The following SGCD variants were observed in gnomAD, a reference collection of about 807,000 sequenced individuals.
SGCD encodes the protein delta-sarcoglycan.
A neutral mutation model predicts 36.6 loss-of-function variants in SGCD; 18 were observed. The ratio of observed to expected loss-of-function variants is 0.49; its 90% CI spans 0.34 to 0.73. The LOEUF is 0.73. Among genes scored for constraint, SGCD ranks in the 30% least tolerant of loss-of-function variants. SGCD has a pLI of 0.01. For synonymous variants in SGCD, 133 were observed against 130.6 expected (o/e 1.02, Z -0.12); for missense variants, 387 against 346.7 (o/e 1.12, Z -0.92).
At chr5:156,443,427 T>C (rs1006091823) in intron 3 of SGCD, among the ~76,000 whole-genome samples, 2 of 152,192 alleles carry the variant, frequency 1.3e-5, no homozygotes, top group Non-Finnish European at 2.9e-5. Context: ...CATCATGTGA[T>C]TCTGCAGCGT....
At chr5:155,882,544 G>A in intron 1 of SGCD, among the ~76,000 whole-genome samples, 1 of 152,222 alleles carries the variant, frequency 6.6e-6, no homozygotes, top group South Asian at 2.1e-4. Context: ...TCCATGGGCT[G>A]CTGAATGGTG....
chr5:156,308,145 A>G (rs536734126), intron 3 of SGCD, among the ~76,000 whole-genome samples: 32 of 152,290 alleles, frequency 2.1e-4, no homozygotes, highest in African/African-American at 5.8e-4. Context: ...CTTGAGACTG[A>G]GTAATTCAAA....
chr5:156,218,541 A>G (rs1442245623), intron 3 of SGCD, among the ~76,000 whole-genome samples: 1 of 152,182 alleles, frequency 6.6e-6, no homozygotes, highest in African/African-American at 2.4e-5. Context: ...ACCTTCAGTT[A>G]CCTAACCTGG....
At chr5:155,990,818 G>C (rs562834811) in intron 1 of SGCD, among the ~76,000 whole-genome samples, 14 of 152,282 alleles carry the variant, frequency 9.2e-5, no homozygotes, top group Non-Finnish European at 1.0e-4. Context: ...TTGAGATAAT[G>C]TTGGTGAATA....
chr5:156,278,175 T>C (rs1231782982), intron 3 of SGCD, among the ~76,000 whole-genome samples: 2 of 152,108 alleles, frequency 1.3e-5, no homozygotes, highest in Non-Finnish European at 2.9e-5. Flanking sequence ...AACTGAAAGG[T>C]CAGTGGGACT....
In SGCD at chr5:156,242,997, A is replaced by G. The variant is rs577328402; in HGVS notation, c.-43-86537A>G. Among the ~76,000 whole-genome samples, 16 of 152,242 alleles carry G rather than the reference A, an allele frequency of 1.1e-4. No individual in the cohort carries two copies. In the South Asian group the frequency reaches 2.3e-3, roughly 22 times the overall value. On this transcript the variant is annotated intron_variant, in intron 3 of 9. Transcript: ENST00000517913. Reference sequence around the variant, plus strand: ...GTGGTCATGCAGGTTGCCTTTGATGATGGGAGGTTGAAGGGGTGACTGGCC... The same window carrying G: ...GTGGTCATGCAGGTTGCCTTTGATGGTGGGAGGTTGAAGGGGTGACTGGCC...
Position 156,644,260 on chromosome 5 carries a change from C to T in SGCD, c.503-3204C>T, listed in dbSNP as rs537677700. 2.0e-5 allele frequency among the ~76,000 whole-genome samples: 3 copies of T among 152,210 alleles called. No individual in the cohort carries two copies. The South Asian group carries it at 6.2e-4, about 32-fold the overall frequency. On this transcript the variant is annotated intron_variant, in intron 6 of 8. Transcript: ENST00000337851. ...TTTGTGTCTAGTGTTTCTCCCAAAT[C>T]CAATTTTTGTGTGTCACATTTTGCA...
intron 1 of SGCD, among the ~76,000 whole-genome samples, chr5:156,038,435 T>C (rs1371622972): frequency 2.6e-5 from 4 of 152,140 alleles, no homozygotes; most frequent in Non-Finnish European, 5.9e-5. Flanking sequence ...TAGTGAATAG[T>C]ATTATGCCAA....
chr5:156,079,806 C>A (rs1001236398), intron 1 of SGCD, among the ~76,000 whole-genome samples: 1 of 152,206 alleles, frequency 6.6e-6, no homozygotes, highest in African/African-American at 2.4e-5. Flanking sequence ...TTGTTGAGTA[C>A]CTGCAGCTTT....
In SGCD at chr5:156,101,545, G is replaced by A. The variant is rs550234244; in HGVS notation, c.-281-16333G>A. The stretch of plus-strand genomic sequence containing the variant: ...AGTTCTCCCCTAATGAATCGTTATT[G>A]CCCCTTTGATTTACTCATAGATGTC... On this transcript the variant is annotated intron_variant, in intron 1 of 9. Transcript: ENST00000517913. Among the ~76,000 whole-genome samples, 3 of 152,208 alleles carry A rather than the reference G, an allele frequency of 2.0e-5. No homozygotes were observed. The South Asian group carries it at 6.2e-4, about 32-fold the overall frequency.
chr5:156,492,820 T>C (rs549140069), intron 3 of SGCD, among the ~76,000 whole-genome samples: 273 of 152,256 alleles, frequency 1.8e-3, no homozygotes, highest in African/African-American at 6.0e-3. Flanking sequence ...GGTGTTTAGT[T>C]TTCTGTTCTT....
intron 7 of SGCD, among the ~76,000 whole-genome samples, chr5:156,722,165 T>C (rs1755541912): frequency 6.6e-6 from 1 of 152,226 alleles, no homozygotes; most frequent in Admixed American, 6.5e-5. Context: ...GCCCACAGTG[T>C]AGTCGATTCT....
At chr5:156,565,595 G>T (rs917947762) in intron 4 of SGCD, among the ~76,000 whole-genome samples, 2 of 151,968 alleles carry the variant, frequency 1.3e-5, no homozygotes, top group Non-Finnish European at 2.9e-5. Context: ...TGTACAGAAC[G>T]TGCAGGTTTG....
intron 3 of SGCD, among the ~76,000 whole-genome samples, chr5:156,436,574 T>C (rs575716733): frequency 3.9e-4 from 59 of 152,316 alleles, no homozygotes; most frequent in Non-Finnish European, 6.2e-4. Context: ...GTGATGGAGA[T>C]GACCAGATGT....
chr5:156,755,451 C>CA (rs999076822), intron 7 of SGCD, among the ~76,000 whole-genome samples: 18 of 151,666 alleles, frequency 1.2e-4, no homozygotes, highest in East Asian at 1.9e-4. Flanking sequence ...CAGAGAATGG[C>CA]AAAAAAAACC....
chr5:155,813,035 G>C, the SGCD span, among the ~76,000 whole-genome samples: 1 of 151,690 alleles, frequency 6.6e-6, no homozygotes, highest in Non-Finnish European at 1.5e-5. Flanking sequence ...CTGATGATAG[G>C]ATTTTTTTAA....
At chr5:156,588,921 G>A (rs1760603057) in intron 4 of SGCD, among the ~76,000 whole-genome samples, 2 of 151,650 alleles carry the variant, frequency 1.3e-5, no homozygotes, top group Admixed American at 6.6e-5. Context: ...AAGATCTAAT[G>A]GGCTTTGTGT....
intron 4 of SGCD, among the ~76,000 whole-genome samples, chr5:156,539,773 C>G (rs2113142847): frequency 6.6e-6 from 1 of 152,134 alleles, no homozygotes; most frequent in Middle Eastern, 3.4e-3. Flanking sequence ...TGAGAGGATA[C>G]CCAGTAGTGG....
At chr5:156,122,709 G>A (rs761575535) in intron 2 of SGCD, among the ~76,000 whole-genome samples, 5 of 151,798 alleles carry the variant, frequency 3.3e-5, no homozygotes, top group Non-Finnish European at 5.9e-5. Context: ...TGAGGTGGAA[G>A]GTTTTGAGCA....
Sources: allele counts gnomAD v4.1 joint callset (sites outside exome capture counted in the v4.1 genomes callset), GRCh38; gene constraint gnomAD v4.1.1; transcripts MANE v1.5; gene names NCBI Gene and HGNC (gene_info 2026-07-23, HGNC 2026-07-21).